GPC5: variants seen among roughly 807,000 people sequenced by gnomAD.
The protein encoded by GPC5 is glypican 5.
In GPC5, 47 loss-of-function variants were observed where a neutral mutation model predicts 53.9. That is an observed-to-expected ratio of 0.87 (90% CI 0.69 to 1.11). The LOEUF (loss-of-function observed/expected upper bound fraction) is 1.11, where lower values mean the gene tolerates loss of function less well. Ranked by LOEUF, GPC5 falls within the 50% of genes most tolerant of loss-of-function variation. GPC5 has a pLI of 0.00. For missense variants in GPC5, 748 were observed against 713.1 expected (o/e 1.05, Z -0.56); for synonymous variants, 286 against 263.3 (o/e 1.09, Z -0.84).
At chr13:92,285,841 C>T (rs1423445526) in intron 7 of GPC5, among the ~76,000 whole-genome samples, 1 of 152,128 alleles carries the variant, frequency 6.6e-6, no homozygotes, top group Non-Finnish European at 1.5e-5. Flanking sequence ...GCAAGGACTT[C>T]ATGTTGAAAC....
intron 1 of GPC5, among the ~76,000 whole-genome samples, chr13:91,415,641 A>G (rs1170019126): frequency 1.3e-5 from 2 of 148,728 alleles, no homozygotes; most frequent in African/African-American, 2.5e-5. Flanking sequence ...TTGTTTTGCT[A>G]CTTATCAGCT....
chr13:92,808,242 C>T (rs894882363), intron 7 of GPC5, among the ~76,000 whole-genome samples: 2 of 152,000 alleles, frequency 1.3e-5, no homozygotes, highest in Non-Finnish European at 2.9e-5. Flanking sequence ...TTTTGTAATG[C>T]TTTGAAAGAG....
chr13:92,242,561 C>T (rs1330991), intron 7 of GPC5, among the ~76,000 whole-genome samples: 85,483 of 151,614 alleles, frequency 0.56, 24,336 homozygotes, highest in South Asian at 0.65. Flanking sequence ...CAAAAGCTAT[C>T]CAGCTACTAT....
intron 5 of GPC5, among the ~76,000 whole-genome samples, chr13:91,817,887 A>G (rs1431585636): frequency 6.6e-6 from 1 of 152,074 alleles, no homozygotes; most frequent in East Asian, 1.9e-4. Context: ...GTTTATGTAA[A>G]CTGTTCATGT....
chr13:92,151,615 A>G (rs1439980345), intron 7 of GPC5, among the ~76,000 whole-genome samples: 1 of 152,180 alleles, frequency 6.6e-6, no homozygotes, highest in Non-Finnish European at 1.5e-5. Context: ...TTAACACCAA[A>G]GTAGAACCAC....
intron 7 of GPC5, among the ~76,000 whole-genome samples, chr13:92,650,850 G>A (rs184357120): frequency 3.3e-5 from 5 of 152,202 alleles, no homozygotes; most frequent in Admixed American, 2.6e-4. Flanking sequence ...GTGGAGGTTT[G>A]TTGCATAGGT....
chr13:92,791,399 TTGTG>T (rs1876456304), intron 7 of GPC5, among the ~76,000 whole-genome samples: 1 of 147,462 alleles, frequency 6.8e-6, no homozygotes, highest in Non-Finnish European at 1.5e-5. Flanking sequence ...GTGTGTAACT[TTGTG>T]AGTGTATGTG....
chr13:92,170,535 C>G (rs1441829911), intron 7 of GPC5, among the ~76,000 whole-genome samples: 1 of 143,696 alleles, frequency 7.0e-6, no homozygotes, highest in East Asian at 2.1e-4. Context: ...AGGTGATTCT[C>G]CTGCCTCAGC....
At position 92,059,154 on chromosome 13, in the gene GPC5, A is replaced by G. The variant is rs76172742; in HGVS notation, c.1402-85676A>G. 5.1e-3 allele frequency among the ~76,000 whole-genome samples: 783 copies of G among 152,310 alleles called. 9 individuals carry two copies. Among genetic ancestry groups the G allele is most frequent in the African/African-American group, 0.018 (745 of 41,574 alleles). On this transcript the variant is annotated intron_variant, in intron 6 of 7. Transcript: ENST00000377067. ...AGTAATCACAGAGGGGTTATTTATT[A>G]CTTGGCTGTAGCTGCTCAGAATATG... is the stretch of plus-strand genomic sequence containing the variant.
intron 4 of GPC5, among the ~76,000 whole-genome samples, chr13:91,755,122 A>AAAAC (rs903729275): frequency 6.6e-6 from 1 of 152,128 alleles, no homozygotes. Flanking sequence ...TATCATCTCT[A>AAAAC]AAACAAACAA....
intron 7 of GPC5, among the ~76,000 whole-genome samples, chr13:92,440,814 T>C (rs1237877331): frequency 1.3e-5 from 2 of 152,186 alleles, no homozygotes; most frequent in Non-Finnish European, 2.9e-5. Flanking sequence ...TGGTATCTTA[T>C]TGTGGTTTCG....
chr13:92,560,775 T>A (rs1037074405), intron 7 of GPC5, among the ~76,000 whole-genome samples: 1 of 151,924 alleles, frequency 6.6e-6, no homozygotes, highest in African/African-American at 2.4e-5. Context: ...AGGAAAGATG[T>A]GTCCGTTTTA....
intron 7 of GPC5, among the ~76,000 whole-genome samples, chr13:92,405,096 A>G (rs1347261686): frequency 7.6e-6 from 1 of 132,364 alleles, no homozygotes; most frequent in Non-Finnish European, 1.7e-5. Context: ...TGTGAGCTAT[A>G]CATGCATTTA....
At chr13:91,538,914 A>G (rs2138726302) in intron 2 of GPC5, among the ~76,000 whole-genome samples, 1 of 150,576 alleles carries the variant, frequency 6.6e-6, no homozygotes, top group Admixed American at 6.7e-5. Flanking sequence ...TTTGTCCTGT[A>G]GAGTTGTAAT....
chr13:92,348,931 A>G (rs981749827), intron 7 of GPC5, among the ~76,000 whole-genome samples: 1 of 152,188 alleles, frequency 6.6e-6, no homozygotes, highest in Non-Finnish European at 1.5e-5. Flanking sequence ...AGAAGTTCTA[A>G]GAGGAACGTT....
intron 7 of GPC5, among the ~76,000 whole-genome samples, chr13:92,509,219 G>A (rs1265296518): frequency 1.3e-5 from 2 of 152,110 alleles, no homozygotes; most frequent in South Asian, 2.1e-4. Flanking sequence ...TCATTTCCTT[G>A]TATACTTCCT....
chr13:92,536,705 G>A (rs991955419), intron 7 of GPC5, among the ~76,000 whole-genome samples: 4 of 152,068 alleles, frequency 2.6e-5, no homozygotes, highest in East Asian at 1.9e-4. Flanking sequence ...ATAGCCTTGA[G>A]TAACCATGAA....
At chr13:91,744,258 G>T (rs2037000188) in intron 4 of GPC5, among the ~76,000 whole-genome samples, 1 of 151,962 alleles carries the variant, frequency 6.6e-6, no homozygotes, top group Non-Finnish European at 1.5e-5. Flanking sequence ...ATTATTCCTG[G>T]TCAGTAATAT....
At chr13:92,719,375 T>A (rs1888437019) in intron 7 of GPC5, among the ~76,000 whole-genome samples, 1 of 152,166 alleles carries the variant, frequency 6.6e-6, no homozygotes, top group Non-Finnish European at 1.5e-5. Flanking sequence ...TTTTTTAAAG[T>A]AATATTTCCC....
Sources: allele counts gnomAD v4.1 joint callset (sites outside exome capture counted in the v4.1 genomes callset), GRCh38; gene constraint gnomAD v4.1.1; transcripts MANE v1.5; gene names NCBI Gene and HGNC (gene_info 2026-07-23, HGNC 2026-07-21).